The following LIN28B variants were observed in gnomAD, a reference collection of about 807,000 sequenced individuals.
LIN28B encodes the protein protein lin-28 homolog B.
In LIN28B, 5 loss-of-function variants were observed where a neutral mutation model predicts 21.9. The observed-to-expected ratio is 0.23, with a 90% confidence interval of 0.12 to 0.48. The LOEUF is 0.48. Ranked by LOEUF, LIN28B falls within the 20% of genes least tolerant of loss-of-function variation. The probability of loss-of-function intolerance (pLI) is 0.98; values close to 1 mark genes in which losing one functional copy is unlikely to be tolerated. For synonymous variants in LIN28B, 109 were observed against 111.3 expected, an observed-to-expected ratio of 0.98 and a Z score of 0.13; for missense variants, 245 against 310.5, an observed-to-expected ratio of 0.79 and a Z score of 1.58.
At chr6:105,072,088 C>CTGTGTGTG (rs3035164) in intron 3 of LIN28B, among the ~76,000 whole-genome samples, 46 of 148,962 alleles carry the variant, frequency 3.1e-4, no homozygotes, top group African/African-American at 1.1e-3. Context: ...TCTTTTGTGT[C>CTGTGTGTG]TGTGTGTGTG....
intron 3 of LIN28B, among the ~76,000 whole-genome samples, chr6:105,048,379 A>G (rs1020554516): frequency 2.2e-4 from 33 of 152,300 alleles, no homozygotes; most frequent in African/African-American, 7.9e-4. Flanking sequence ...CCATTTGATC[A>G]TGGTGGATAA....
At chr6:105,013,723 C>CA (rs11330582) in intron 2 of LIN28B, among the ~76,000 whole-genome samples, 13 of 137,590 alleles carry the variant, frequency 9.4e-5, no homozygotes, top group South Asian at 2.3e-4. Flanking sequence ...GACCCTGTCT[C>CA]AAAAAAAAAA....
intron 2 of LIN28B, among the ~76,000 whole-genome samples, chr6:104,949,649 A>G (rs1484021413): frequency 6.6e-6 from 1 of 152,192 alleles, no homozygotes; most frequent in Non-Finnish European, 1.5e-5. Context: ...AGGTGAGTGC[A>G]TGCATGTTCA....
intron 3 of LIN28B, among the ~76,000 whole-genome samples, chr6:105,045,946 T>C (rs1771750857): frequency 6.6e-6 from 1 of 152,160 alleles, no homozygotes; most frequent in African/African-American, 2.4e-5. Flanking sequence ...CTCTGTATGG[T>C]TTTCTATTTT....
intron 2 of LIN28B, among the ~76,000 whole-genome samples, chr6:104,971,782 T>C (rs973530212): frequency 6.6e-6 from 1 of 152,210 alleles, no homozygotes; most frequent in Non-Finnish European, 1.5e-5. Context: ...TAATTAATGC[T>C]TAAGTTGTCA....
At chr6:105,045,809 T>G (rs1249027250) in intron 3 of LIN28B, 1 of 152,170 alleles carries the variant, frequency 6.6e-6, no homozygotes, top group Admixed American at 6.5e-5. Context: ...GTCCAGTTGG[T>G]AGGATGCTGA....
intron 2 of LIN28B, among the ~76,000 whole-genome samples, chr6:104,945,112 T>G (rs1351945611): frequency 6.6e-6 from 1 of 152,164 alleles, no homozygotes; most frequent in Admixed American, 6.5e-5. Flanking sequence ...AACTAAAATA[T>G]TCTAGACTGT....
intron 2 of LIN28B, among the ~76,000 whole-genome samples, chr6:105,009,418 T>TG (rs1192098173): frequency 2.0e-5 from 3 of 152,062 alleles, no homozygotes; most frequent in Non-Finnish European, 4.4e-5. Flanking sequence ...CAGATGATGG[T>TG]GGGGAGATTG....
intron 2 of LIN28B, among the ~76,000 whole-genome samples, chr6:104,996,834 C>G (rs1770615492): frequency 6.6e-6 from 1 of 152,050 alleles, no homozygotes. Context: ...AATGTTTGTC[C>G]AAGCCAGGTA....
chr6:104,980,655 T>C (rs1582876571), intron 2 of LIN28B, among the ~76,000 whole-genome samples: 1 of 152,234 alleles, frequency 6.6e-6, no homozygotes, highest in Non-Finnish European at 1.5e-5. Context: ...ACAGCCTTTA[T>C]GCCTTTTGTA....
upstream of LIN28B, among the ~76,000 whole-genome samples, chr6:104,954,671 AAATG>A (rs1778261880): frequency 6.6e-6 from 1 of 152,196 alleles, no homozygotes. Context: ...CCCTCTCAGG[AAATG>A]AATGAGTCGA....
At chr6:105,019,536 G>C (rs749188670) in intron 2 of LIN28B, among the ~76,000 whole-genome samples, 3 of 152,100 alleles carry the variant, frequency 2.0e-5, no homozygotes, top group Non-Finnish European at 4.4e-5. Context: ...GAATGAAATG[G>C]GAATCTGGTC....
intron 2 of LIN28B, among the ~76,000 whole-genome samples, chr6:105,009,615 C>G (rs1207956552): frequency 6.6e-6 from 1 of 152,170 alleles, no homozygotes; most frequent in Non-Finnish European, 1.5e-5. Context: ...CCTGTCCCAT[C>G]AACTGTCATT....
In LIN28B at chr6:105,080,374, T is replaced by C. The variant is rs571098986; in HGVS notation, c.*1591T>C. ...GTAAGCTCAGATAATTAAATAAAAA[T>C]AGCATGACTCAAATGAGACATATTC... On this transcript the variant is annotated 3_prime_UTR_variant, in exon 4 of 4. Coordinates refer to ENST00000345080, the MANE Select transcript of LIN28B (RefSeq NM_001004317.4). 1 of 152,736 alleles carries C rather than the reference T, an allele frequency of 6.5e-6. No individual in the cohort carries two copies. Among genetic ancestry groups the C allele is most frequent in the East Asian group, 1.9e-4 (1 of 5,190 alleles). 9.5% of individuals were successfully genotyped at this position (152,736 alleles called of 1,614,324 possible).
At chr6:105,026,166 T>C (rs1403070609) in intron 2 of LIN28B, 132 bp from the exon 3 acceptor site, 1 of 484,796 alleles carries the variant, frequency 2.1e-6, no homozygotes. Context: ...TATGTTTCAC[T>C]GAACTTAAGA....
intron 3 of LIN28B, among the ~76,000 whole-genome samples, chr6:105,030,593 T>C (rs1298336510): frequency 8.8e-5 from 7 of 79,650 alleles, no homozygotes; most frequent in African/African-American, 4.0e-4. Context: ...TCTTTCTTTC[T>C]TTTTTTTTTT....
At chr6:104,938,513 C>CCAG (rs1306696710) in intron 2 of LIN28B, among the ~76,000 whole-genome samples, 29 of 151,966 alleles carry the variant, frequency 1.9e-4, no homozygotes, top group Admixed American at 1.0e-3. Context: ...GTAGAGCAGG[C>CCAG]CTGTAATCCC....
intron 3 of LIN28B, among the ~76,000 whole-genome samples, chr6:105,074,543 T>G (rs1050223894): frequency 3.3e-5 from 5 of 152,174 alleles, no homozygotes; most frequent in Non-Finnish European, 7.3e-5. Flanking sequence ...GTCTCAAAAA[T>G]GTTGACTTTG....
chr6:104,969,054 C>A (rs1769919629), intron 2 of LIN28B, among the ~76,000 whole-genome samples: 1 of 152,082 alleles, frequency 6.6e-6, no homozygotes, highest in South Asian at 2.1e-4. Context: ...ATATTAGAGA[C>A]ATATACGTAA....
Sources: gnomAD v4.1 joint callset for allele counts (sites outside exome capture counted in the v4.1 genomes callset) on GRCh38, gnomAD v4.1.1 for gene constraint, MANE v1.5 for transcripts, NCBI Gene and HGNC (gene_info 2026-07-23, HGNC 2026-07-21) for gene names.